The following SUPT20H variants were observed in gnomAD, a reference collection of about 807,000 sequenced individuals.
SUPT20H encodes SPT20 homolog, SAGA complex component, also known as transcription factor SPT20 homolog.
Under a neutral mutation model 122.8 loss-of-function variants are expected in SUPT20H, and 82 were observed. The ratio of observed to expected loss-of-function variants is 0.67; its 90% CI spans 0.56 to 0.80. The LOEUF is 0.80. Among genes scored for constraint, SUPT20H ranks in the 30% least tolerant of loss-of-function variants. The pLI is 0.00. For synonymous variants in SUPT20H, 291 were observed against 313.0 expected, an observed-to-expected ratio of 0.93 and a Z score of 0.74; for missense variants, 831 against 921.6, an observed-to-expected ratio of 0.90 and a Z score of 1.27.
intron 7 of SUPT20H, among the ~76,000 whole-genome samples, chr13:37,042,510 C>A (rs538592499): frequency 6.6e-6 from 1 of 151,902 alleles, no homozygotes; most frequent in African/African-American, 2.4e-5. Context: ...TAAAAAAGAC[C>A]GAAGGATTAG....
chr13:37,059,141 T>G (rs2070020456), intron 1 of SUPT20H: 1 of 152,392 alleles, frequency 6.6e-6, no homozygotes, highest in Middle Eastern at 3.4e-3. Context: ...CTGATTTCCC[T>G]GATCGACCAG....
rs756486975 is a variant in SUPT20H at position 37,009,759 on chromosome 13, T to G, written c.2253A>C (p.Gln751His). Residue 751 changes from glutamine (Q) to histidine (H), a missense_variant, in exon 26 of 26, where the codon CAA becomes CAC. Gln to His is a conservative substitution (Grantham distance 24). Coordinates refer to ENST00000350612, the MANE Select transcript of SUPT20H (RefSeq NM_001014286.3). ...HQMAMAAAAA[Q>H]TAQLHHHRHT... ...GCCGATGATGATGTAGCTGAGCTGT[T>G]TGTGCTGCTGCTGCTGCCATAGCCA... is the stretch of plus-strand genomic sequence containing the variant. 1.9e-6 allele frequency: 3 copies of G among 1,613,888 alleles called. No individual in the cohort carries two copies. The highest frequency in any genetic ancestry group is 1.3e-5 in the African/African-American group (1 of 74,938).
At chr13:37,018,029 G>A (rs1178991791) in intron 22 of SUPT20H, among the ~76,000 whole-genome samples, 1 of 151,820 alleles carries the variant, frequency 6.6e-6, no homozygotes, top group Admixed American at 6.6e-5. Flanking sequence ...AAGCTATAGG[G>A]GTTTATATAC....
At chr13:37,010,512 T>C in intron 25 of SUPT20H, 40 bp downstream of exon 25, 1 of 1,558,260 alleles carries the variant, frequency 6.4e-7, no homozygotes, top group African/African-American at 1.4e-5. Context: ...TGGAGCTGAG[T>C]ATCTTTAAAA....
intron 5 of SUPT20H, among the ~76,000 whole-genome samples, chr13:37,045,872 T>C (rs753746469): frequency 7.2e-5 from 11 of 152,140 alleles, no homozygotes; most frequent in African/African-American, 2.2e-4. Context: ...AGCTGAAATG[T>C]TGAACCTAAA....
chr13:37,021,147 T>C (rs1390805343), intron 21 of SUPT20H, among the ~76,000 whole-genome samples: 2 of 152,186 alleles, frequency 1.3e-5, no homozygotes, highest in African/African-American at 4.8e-5. Flanking sequence ...AATACACTTA[T>C]TTTCCCTGGA....
At chr13:37,017,178 C>T in intron 23 of SUPT20H, 67 bp downstream of exon 23, 1 of 1,606,176 alleles carries the variant, frequency 6.2e-7, no homozygotes, top group South Asian at 1.1e-5. Context: ...ATGAAGTATG[C>T]TTGGAATATA....
intron 23 of SUPT20H, chr13:37,014,020 A>C (rs1197780664): frequency 6.6e-6 from 1 of 152,126 alleles, no homozygotes; most frequent in Non-Finnish European, 1.5e-5. Flanking sequence ...GGAATATTCA[A>C]ACAAGGAGGA....
At chr13:37,031,514 T>C (rs1049747711) in intron 12 of SUPT20H, 53 bp downstream of exon 12, 24 of 1,245,680 alleles carry the variant, frequency 1.9e-5, no homozygotes, top group Non-Finnish European at 2.5e-5. Context: ...AGCAACCGAA[T>C]AGTAAAACTG....
intron 23 of SUPT20H, among the ~76,000 whole-genome samples, chr13:37,015,256 C>T (rs2060245604): frequency 6.6e-6 from 1 of 150,786 alleles, no homozygotes; most frequent in Non-Finnish European, 1.5e-5. Flanking sequence ...AATCAAACAT[C>T]TGATATATGT....
intron 23 of SUPT20H, chr13:37,013,382 C>T (rs1020910359): frequency 6.6e-6 from 1 of 151,164 alleles, no homozygotes; most frequent in Non-Finnish European, 1.5e-5. Flanking sequence ...TTGTTGTTTT[C>T]TTTTTTTTCA....
intron 22 of SUPT20H, 115 bp downstream of exon 22, chr13:37,019,227 T>C (rs2061060251): frequency 1.4e-6 from 1 of 714,334 alleles, no homozygotes; most frequent in Non-Finnish European, 2.3e-6. Flanking sequence ...ACCACACCCT[T>C]AGAAGAATCT....
chr13:37,053,989 C>A (rs1306710407), intron 1 of SUPT20H, among the ~76,000 whole-genome samples: 5 of 152,190 alleles, frequency 3.3e-5, no homozygotes, highest in African/African-American at 9.7e-5. Context: ...ACTATAAACA[C>A]CTCTACGCAA....
chr13:37,046,861 G>A (rs938683729), intron 5 of SUPT20H: 2 of 151,998 alleles, frequency 1.3e-5, no homozygotes, highest in Non-Finnish European at 2.9e-5. Flanking sequence ...TTTTCCTAAT[G>A]TAAAGATTTT....
chr13:37,058,324 G>GT (rs2069691847), intron 1 of SUPT20H, among the ~76,000 whole-genome samples: 1 of 152,048 alleles, frequency 6.6e-6, no homozygotes, highest in Non-Finnish European at 1.5e-5. Flanking sequence ...CCATACAACT[G>GT]TAAATGATTT....
chr13:37,021,599 C>T lies in SUPT20H; in HGVS notation c.1665G>A (p.Gly555=). 6.2e-7 allele frequency: 1 copy of T among 1,611,504 alleles called. No individual in the cohort carries two copies. Among genetic ancestry groups the T allele is most frequent in the Non-Finnish European group, 8.5e-7 (1 of 1,179,214 alleles). ...TTGAACCACTCATCAAAGCCTGGGC[C>T]CCACTGCAGGAGAATAAGACAAAGC... is the stretch of plus-strand genomic sequence containing the variant. ...NFINVVGSVC[G]AQALMSGSNP... is the part of the protein sequence containing the mutation. The change falls in exon 21 of 26, where the codon GGG becomes GGA. Residue 555 remains glycine, a synonymous_variant. Coordinates refer to ENST00000350612, the MANE Select transcript of SUPT20H (RefSeq NM_001014286.3).
At chr13:37,057,288 C>T (rs1171019593) in intron 1 of SUPT20H, among the ~76,000 whole-genome samples, 1 of 150,790 alleles carries the variant, frequency 6.6e-6, no homozygotes, top group African/African-American at 2.4e-5. Context: ...GAGCAAGACC[C>T]TGTCTCAAAA....
chr13:37,037,678 C>T (rs1465139552), intron 9 of SUPT20H, among the ~76,000 whole-genome samples: 7 of 152,168 alleles, frequency 4.6e-5, no homozygotes, highest in African/African-American at 1.7e-4. Context: ...CTATCCTATA[C>T]TCAACTCAAC....
intron 12 of SUPT20H, 90 bp downstream of exon 12, chr13:37,031,477 G>GTT: frequency 1.2e-4 from 89 of 727,220 alleles, no homozygotes; most frequent in South Asian, 2.7e-4. Context: ...TTTAAAGTAA[G>GTT]TTTTTTTTTT....
Sources: gnomAD v4.1 joint callset for allele counts (sites outside exome capture counted in the v4.1 genomes callset) on GRCh38, gnomAD v4.1.1 for gene constraint, MANE v1.5 for transcripts, NCBI Gene and HGNC (gene_info 2026-07-23, HGNC 2026-07-21) for gene names.